ERMP1: variants seen among roughly 807,000 people sequenced by gnomAD.
ERMP1 encodes endoplasmic reticulum metallopeptidase 1, also known as Felix-ina.
ERMP1 carries 86 observed loss-of-function variants against 92.0 expected under a neutral mutation model. The ratio of observed to expected loss-of-function variants is 0.93; its 90% confidence interval spans 0.79 to 1.12. The LOEUF is 1.12. ERMP1 is among the 50% of genes most tolerant of loss of function. The pLI, the probability that ERMP1 is intolerant of heterozygous loss-of-function variation, is 0.00. For synonymous variants in ERMP1, 530 were observed against 412.8 expected, an observed-to-expected ratio of 1.28 and a Z score of -3.44; for missense variants, 1,342 against 1,116.3, an observed-to-expected ratio of 1.20 and a Z score of -2.88.
At position 5,811,407 on chromosome 9, in the gene ERMP1, C is replaced by G. The variant is rs1376775124; in HGVS notation, c.1115-84G>C. ...AACTATTTGTGATTTACACATACCA[C>G]TATTTAAAGCAGAAATAAACCATAT... On this transcript the variant is annotated intron_variant, in intron 6 of 14. Coordinates refer to ENST00000339450, the MANE Select transcript of ERMP1 (RefSeq NM_024896.3). The G allele has an allele frequency of 3.2e-6, 3 of 950,986 alleles. No individual in the cohort carries two copies. The African/African-American group carries it at 5.0e-5, about 16-fold the overall frequency. The allele number at this position is 950,986 out of a possible 1,614,324, so 58.9% of individuals were successfully genotyped here.
chr9:5,796,610 GA>G (rs1369188666), intron 13 of ERMP1, among the ~76,000 whole-genome samples: 5 of 152,164 alleles, frequency 3.3e-5, no homozygotes, highest in African/African-American at 1.2e-4. Context: ...ACTTCTAAGT[GA>G]AAGAAGTCAG....
At chr9:5,849,470 C>T (rs1035815579) in intron 6 of ERMP1, among the ~76,000 whole-genome samples, 1 of 152,148 alleles carries the variant, frequency 6.6e-6, no homozygotes, top group African/African-American at 2.4e-5. Flanking sequence ...AGGATTAGAG[C>T]CCGAACCCAA....
At chr9:5,804,423 C>A (rs952071173) in intron 10 of ERMP1, among the ~76,000 whole-genome samples, 1 of 152,144 alleles carries the variant, frequency 6.6e-6, no homozygotes, top group South Asian at 2.1e-4. Flanking sequence ...AAACACAGGA[C>A]TCTCCTTACT....
Position 5,805,062 on chromosome 9 carries a change from A to T in ERMP1, c.1879T>A (p.Leu627Met), listed in dbSNP as rs1177429137. The T allele has an allele frequency of 6.2e-7, 1 of 1,613,030 alleles. No homozygotes were observed. Among genetic ancestry groups the T allele is most frequent in the Admixed American group, 1.7e-5 (1 of 59,722 alleles). ...GAGAGAATCATTGTACAGCCAGCCA[A>T]AATGGATGCCAGCACAACATCAGGT... Reference protein sequence around the residue: ...IPPDVVLASILAGCTMILSSY... With the variant: ...IPPDVVLASIMAGCTMILSSY... The change falls in exon 10 of 15, where the codon TTG becomes ATG. Residue 627 changes from leucine (L) to methionine (M), a missense_variant. Leu to Met is a conservative substitution (Grantham distance 15). Transcript: ENST00000339450.
intron 4 of ERMP1, among the ~76,000 whole-genome samples, chr9:5,815,273 G>A (rs977721164): frequency 6.6e-6 from 1 of 152,102 alleles, no homozygotes; most frequent in Non-Finnish European, 1.5e-5. Flanking sequence ...AGCCTCCTTA[G>A]AGAAATGGCT....
chr9:5,843,500 G>T (rs1490691836), intron 6 of ERMP1, among the ~76,000 whole-genome samples: 6 of 152,098 alleles, frequency 3.9e-5, no homozygotes, highest in African/African-American at 1.4e-4. Context: ...CCCTGAGTGG[G>T]GATCAGGTTA....
chr9:5,866,184 C>T (rs1370535919), intron 5 of ERMP1, among the ~76,000 whole-genome samples: 1 of 152,210 alleles, frequency 6.6e-6, no homozygotes, highest in Non-Finnish European at 1.5e-5. Flanking sequence ...AGATGAGCCC[C>T]TCTCTTACAC....
chr9:5,820,907 T>A (rs1396025664), intron 4 of ERMP1, among the ~76,000 whole-genome samples: 1 of 152,114 alleles, frequency 6.6e-6, no homozygotes, highest in Non-Finnish European at 1.5e-5. Context: ...GCATTAAAAG[T>A]GACAGAGATG....
intron 6 of ERMP1, among the ~76,000 whole-genome samples, chr9:5,851,077 T>G (rs1830302778): frequency 6.6e-6 from 1 of 152,222 alleles, no homozygotes; most frequent in Non-Finnish European, 1.5e-5. Context: ...GAACAAAATC[T>G]GAAGATGTTA....
At chr9:5,797,975 T>C (rs887527157) in intron 12 of ERMP1, 43 bp from the exon 13 acceptor site, 1 of 1,200,566 alleles carries the variant, frequency 8.3e-7, no homozygotes, top group Non-Finnish European at 1.2e-6. Context: ...CTTTATTATT[T>C]GATGGCTATC....
intron 6 of ERMP1, among the ~76,000 whole-genome samples, chr9:5,854,024 A>C (rs1830341876): frequency 6.6e-6 from 1 of 152,054 alleles, no homozygotes; most frequent in African/African-American, 2.4e-5. Flanking sequence ...GAGCCAAAGA[A>C]GCAGTTAGAC....
At chr9:5,830,160 A>G (rs66708009) in intron 2 of ERMP1, among the ~76,000 whole-genome samples, 53,598 of 152,060 alleles carry the variant, frequency 0.35, 10,655 homozygotes, top group East Asian at 0.75. Flanking sequence ...ATGCAGCCCA[A>G]TACAAATTTG....
At position 5,787,406 on chromosome 9, in the gene ERMP1, CAA is replaced by C. The variant is rs1317674938; in HGVS notation, c.2550+22_2550+23del. ...CCACCTGGGAACCTAATCAATGAAA[CAA>C]ACAATGCTGGGAAATTGGCACCTGC... On this transcript the variant is annotated intron_variant, in intron 14 of 14. Transcript: ENST00000339450. 3 of 1,609,010 alleles carry C rather than the reference CAA, an allele frequency of 1.9e-6. No individual in the cohort carries two copies. The Admixed American group carries it at 5.1e-5, about 27-fold the overall frequency.
At chr9:5,863,121 G>A (rs79760480) in intron 5 of ERMP1, among the ~76,000 whole-genome samples, 2,178 of 152,312 alleles carry the variant, frequency 0.014, 22 homozygotes, top group South Asian at 0.024. Flanking sequence ...TGTCTTCATA[G>A]GGAAAGGACA....
intron 6 of ERMP1, among the ~76,000 whole-genome samples, chr9:5,857,511 C>T (rs976681844): frequency 6.6e-6 from 1 of 152,160 alleles, no homozygotes; most frequent in Non-Finnish European, 1.5e-5. Flanking sequence ...GACGAATTTG[C>T]AAATATAGAA....
At chr9:5,794,300 G>A (rs996276410) in intron 13 of ERMP1, among the ~76,000 whole-genome samples, 9 of 151,908 alleles carry the variant, frequency 5.9e-5, no homozygotes, top group African/African-American at 2.2e-4. Flanking sequence ...GTGCTTAGAA[G>A]GAAACTTATA....
chr9:5,856,483 C>G (rs1830375458), intron 6 of ERMP1: 1 of 169,114 alleles, frequency 5.9e-6, no homozygotes, highest in Non-Finnish European at 1.3e-5. Flanking sequence ...AGAGGGAGCA[C>G]CAAGAACTTT....
chr9:5,854,986 A>G (rs1830355717), intron 6 of ERMP1, among the ~76,000 whole-genome samples: 1 of 152,332 alleles, frequency 6.6e-6, no homozygotes, highest in African/African-American at 2.4e-5. Context: ...ACATCAATCC[A>G]TGAGAGTTCA....
intron 5 of ERMP1, among the ~76,000 whole-genome samples, chr9:5,862,734 G>A (rs1041149578): frequency 6.6e-6 from 1 of 152,054 alleles, no homozygotes; most frequent in East Asian, 1.9e-4. Flanking sequence ...TTGATTAACC[G>A]GCTTAATCCT....
Sources: gnomAD v4.1 joint callset for allele counts (sites outside exome capture counted in the v4.1 genomes callset) on GRCh38, gnomAD v4.1.1 for gene constraint, MANE v1.5 for transcripts, NCBI Gene and HGNC (gene_info 2026-07-23, HGNC 2026-07-21) for gene names.